VDR: variants seen among roughly 807,000 people sequenced by gnomAD.
VDR encodes vitamin D receptor, also known as vitamin D3 receptor.
Under a neutral mutation model 39.7 loss-of-function variants are expected in VDR, and 19 were observed. That is an observed-to-expected ratio of 0.48 (90% CI 0.33 to 0.70). VDR has a LOEUF of 0.70. Among genes scored for constraint, VDR ranks in the 30% least tolerant of loss-of-function variants. The pLI is 0.02. For synonymous variants in VDR, 242 were observed against 215.8 expected (o/e 1.12, Z -1.07); for missense variants, 442 against 570.5 (o/e 0.77, Z 2.29).
At chr12:47,871,292 C>CCCTTTCTTTCTTTCTT in intron 3 of VDR, among the ~76,000 whole-genome samples, 1 of 79,880 alleles carries the variant, frequency 1.3e-5, no homozygotes, top group Admixed American at 1.5e-4. Flanking sequence ...CTTTCTCTTT[C>CCCTTTCTTTCTTTCTT]TCTTTCTTTC....
intron 1 of VDR, among the ~76,000 whole-genome samples, chr12:47,894,530 C>T (rs1946430016): frequency 2.6e-5 from 4 of 152,168 alleles, no homozygotes; most frequent in Non-Finnish European, 4.4e-5. Context: ...GGTCCGTCTC[C>T]GCCCCTGGGT....
intron 7 of VDR, among the ~76,000 whole-genome samples, chr12:47,847,066 C>T (rs990381711): frequency 1.3e-5 from 2 of 152,076 alleles, no homozygotes; most frequent in African/African-American, 4.8e-5. Flanking sequence ...GACCAAGCAG[C>T]CAGAGCTATG....
At chr12:47,898,558 T>TAACATGTAC (rs1250395484) in intron 1 of VDR, 2 of 154,330 alleles carry the variant, frequency 1.3e-5, no homozygotes, top group East Asian at 3.9e-4. Flanking sequence ...AAGACAAGTA[T>TAACATGTAC]AACATGTACA....
chr12:47,845,398 G>A (rs1945261241), intron 9 of VDR, among the ~76,000 whole-genome samples: 1 of 151,774 alleles, frequency 6.6e-6, no homozygotes, highest in African/African-American at 2.4e-5. Context: ...CAGCTTAAAA[G>A]GTCTTCCTCC....
At chr12:47,852,221 G>A (rs1232369166) in intron 7 of VDR, among the ~76,000 whole-genome samples, 2 of 152,228 alleles carry the variant, frequency 1.3e-5, no homozygotes, top group African/African-American at 2.4e-5. Context: ...GGAAAGGGCC[G>A]TGGGGGCCCT....
rs554476410 is a variant in VDR at position 47,853,316 on chromosome 12, G to A, written c.755+2314C>T. The stretch of plus-strand genomic sequence containing the variant: ...AAATTAGCCGGGCGTAGTGGCGGGC[G>A]CCTGTCATCCCAGCTACTCGGGAGA... On this transcript the variant is annotated intron_variant, in intron 7 of 9. Coordinates refer to ENST00000549336, the MANE Select transcript of VDR (RefSeq NM_000376.3). 4.0e-4 allele frequency among the ~76,000 whole-genome samples: 61 copies of A among 151,760 alleles called. 1 individual carries two copies. The highest frequency in any genetic ancestry group is 6.5e-4 in the African/African-American group (27 of 41,310).
intron 2 of VDR, among the ~76,000 whole-genome samples, chr12:47,881,908 GC>G (rs1203322832): frequency 6.6e-6 from 1 of 152,170 alleles, no homozygotes; most frequent in Non-Finnish European, 1.5e-5. Context: ...CAGCTGAGAT[GC>G]TGCAGCTCCG....
rs115662557 is a variant in VDR at position 47,861,472 on chromosome 12, A to G, written c.277+3575T>C. 3.9e-3 allele frequency among the ~76,000 whole-genome samples: 593 copies of G among 152,366 alleles called. 5 individuals are homozygous for G. The highest frequency in any genetic ancestry group is 0.013 in the African/African-American group (548 of 41,584). On this transcript the variant is annotated intron_variant, in intron 4 of 9. Transcript: ENST00000549336. ...ACTGAATAAGTCTAAAGTCTTTCAC[A>G]TATGCAAATGCACTGTGATTTACGA...
intron 7 of VDR, among the ~76,000 whole-genome samples, chr12:47,850,648 C>T (rs924849663): frequency 2.0e-5 from 3 of 152,136 alleles, no homozygotes; most frequent in East Asian, 1.9e-4. Flanking sequence ...GGGATGGTGG[C>T]GTGGTGGGAG....
intron 3 of VDR, 128 bp downstream of exon 3, chr12:47,878,840 G>A (rs1017698314): frequency 6.8e-7 from 1 of 1,467,382 alleles, no homozygotes; most frequent in Non-Finnish European, 9.3e-7. Flanking sequence ...TCCTGTGGCT[G>A]TGAGCGCCGC....
At chr12:47,873,055 T>C (rs1284919405) in intron 3 of VDR, among the ~76,000 whole-genome samples, 1 of 152,212 alleles carries the variant, frequency 6.6e-6, no homozygotes, top group Non-Finnish European at 1.5e-5. Context: ...ATGGTTTGGC[T>C]CTGTGTCCCC....
rs1467882649 is a variant in VDR at position 47,846,381 on chromosome 12, A to C, written c.978T>G (p.His326Gln). Reference protein sequence around the residue: ...FQVGLKKLNLHEEEHVLLMAI... With the variant: ...FQVGLKKLNLQEEEHVLLMAI... Reference sequence around the variant, plus strand: ...CCATGAGCAGGACATGCTCCTCCTCATGCAAGTTCAGCTTCTTCAGTCCCA... The same window carrying C: ...CCATGAGCAGGACATGCTCCTCCTCCTGCAAGTTCAGCTTCTTCAGTCCCA... Residue 326 changes from histidine (H) to glutamine (Q), a missense_variant, in exon 9 of 10, where the codon CAT becomes CAG. Transcript: ENST00000549336. 6.3e-7 allele frequency: 1 copy of C among 1,594,920 alleles called. No individual in the cohort carries two copies. Among genetic ancestry groups the C allele is most frequent in the Non-Finnish European group, 8.5e-7 (1 of 1,171,042 alleles).
chr12:47,874,438 A>T (rs1455018501), intron 3 of VDR, among the ~76,000 whole-genome samples: 1 of 152,194 alleles, frequency 6.6e-6, no homozygotes, highest in African/African-American at 2.4e-5. Flanking sequence ...AAGAGCTACA[A>T]ATATCAGTGG....
chr12:47,852,196 G>A (rs1945400938), intron 7 of VDR, among the ~76,000 whole-genome samples: 1 of 152,204 alleles, frequency 6.6e-6, no homozygotes, highest in African/African-American at 2.4e-5. Context: ...CACTGAACCT[G>A]GAATCACTGT....
chr12:47,879,036 C>T lies in VDR; in HGVS notation c.78G>A (p.Val26=), dbSNP rs934460570. The T allele has an allele frequency of 6.2e-7, 1 of 1,614,222 alleles. No homozygotes were observed. The highest frequency in any genetic ancestry group is 8.5e-7 in the Non-Finnish European group (1 of 1,180,030). The change falls in exon 3 of 10, where the codon GTG becomes GTA. Residue 26 remains valine, a synonymous_variant. Coordinates refer to ENST00000549336, the MANE Select transcript of VDR (RefSeq NM_000376.3). Reference sequence around the variant, plus strand: ...GAAAGCCAGTGGCTCGGTCTCCACACACCCCACAGATCCGGGGCACGTTCC... The same window carrying T: ...GAAAGCCAGTGGCTCGGTCTCCACATACCCCACAGATCCGGGGCACGTTCC... ...FDRNVPRICG[V]CGDRATGFHF...
chr12:47,873,510 C>A (rs989183901), intron 3 of VDR, among the ~76,000 whole-genome samples: 3 of 150,288 alleles, frequency 2.0e-5, no homozygotes, highest in African/African-American at 7.3e-5. Context: ...TACAGGCGCC[C>A]GCCACCTCGC....
chr12:47,846,232 G>T, intron 9 of VDR, 103 bp downstream of exon 9: 1 of 946,410 alleles, frequency 1.1e-6, no homozygotes, highest in Non-Finnish European at 1.7e-6. Context: ...GTCTCCTTTT[G>T]CTACGTCTCC....
chr12:47,882,681 A>G lies in VDR; in HGVS notation c.-3+13T>C, dbSNP rs1373287099. 3.2e-6 allele frequency: 4 copies of G among 1,239,312 alleles called. No individual in the cohort carries two copies. The Admixed American group carries it at 8.4e-5, about 26-fold the overall frequency. The allele number at this position is 1,239,312 out of a possible 1,614,324, so 76.8% of individuals were successfully genotyped here. A position where few individuals can be genotyped will look rare whatever the true frequency, so the allele number is the denominator to read the frequency against. On this transcript the variant is annotated intron_variant, in intron 2 of 9. Transcript: ENST00000549336. ...AAAGCCAGGGAAGTTGCGGCTGATG[A>G]GGAAACACCTACCTGAAGGAGCAGG...
intron 3 of VDR, among the ~76,000 whole-genome samples, chr12:47,873,166 T>A (rs1057297739): frequency 5.9e-5 from 9 of 152,084 alleles, no homozygotes; most frequent in African/African-American, 2.2e-4. Context: ...GCTGTTCTTG[T>A]GATACTGAGT....
Sources: gnomAD v4.1 joint callset for allele counts (sites outside exome capture counted in the v4.1 genomes callset) on GRCh38, gnomAD v4.1.1 for gene constraint, MANE v1.5 for transcripts, NCBI Gene and HGNC (gene_info 2026-07-23, HGNC 2026-07-21) for gene names.